Variants in CPT1A observed in about 807,000 individuals in gnomAD.
CPT1A encodes the protein carnitine palmitoyltransferase 1A, also known as carnitine O-palmitoyltransferase 1, liver isoform.
In CPT1A, 64 loss-of-function variants were observed where a neutral mutation model predicts 100.8. The ratio of observed to expected loss-of-function variants is 0.63; its 90% CI spans 0.52 to 0.78. CPT1A has a LOEUF of 0.78. CPT1A is among the 30% of genes least tolerant of loss of function. The pLI is 0.00. For missense variants in CPT1A, 802 were observed against 1,034.1 expected (o/e 0.78, Z 3.08); for synonymous variants, 363 against 396.0 (o/e 0.92, Z 0.99).
At chr11:68,795,648 T>A (rs1286729653) in intron 7 of CPT1A, among the ~76,000 whole-genome samples, 1 of 152,158 alleles carries the variant, frequency 6.6e-6, no homozygotes, top group African/African-American at 2.4e-5. Context: ...CAGGTGCTCA[T>A]GTCTGTAATC....
chr11:68,822,716 T>C (rs1455534021), intron 1 of CPT1A, among the ~76,000 whole-genome samples: 3 of 152,124 alleles, frequency 2.0e-5, no homozygotes, highest in African/African-American at 7.2e-5. Flanking sequence ...ATAAATATAA[T>C]GTGGTCCATC....
rs570114898 is a variant in CPT1A at position 68,796,986 on chromosome 11, G to T, written c.694-53C>A. The T allele has an allele frequency of 1.2e-4, 185 of 1,584,474 alleles. 2 individuals are homozygous for T. The African/African-American group carries it at 1.8e-3, about 16-fold the overall frequency. ...CGCAGGCTCAGCAGGGGCCAGGCAG[G>T]CTCCCTGGCAGCAGCCCAGAGCCGC... On this transcript the variant is annotated intron_variant, in intron 6 of 18. Coordinates refer to ENST00000265641, the MANE Select transcript of CPT1A (RefSeq NM_001876.4).
chr11:68,821,248 G>A (rs1038863194), intron 1 of CPT1A, among the ~76,000 whole-genome samples: 3 of 152,230 alleles, frequency 2.0e-5, no homozygotes, highest in Admixed American at 1.3e-4. Context: ...TGCCTCCTGG[G>A]TTCAAGTGAT....
intron 1 of CPT1A, among the ~76,000 whole-genome samples, chr11:68,816,302 G>A (rs1856386422): frequency 1.3e-5 from 2 of 152,182 alleles, no homozygotes; most frequent in East Asian, 1.9e-4. Flanking sequence ...AGAGACCCAC[G>A]AAGACTCCAT....
intron 9 of CPT1A, chr11:68,786,006 G>A (rs1177621624): frequency 4.3e-6 from 3 of 702,208 alleles, no homozygotes; most frequent in Non-Finnish European, 7.8e-6. Flanking sequence ...CAGTGGGGAT[G>A]CACAGTGACA....
chr11:68,834,811 C>T (rs1856968135), intron 1 of CPT1A, among the ~76,000 whole-genome samples: 1 of 151,828 alleles, frequency 6.6e-6, no homozygotes, highest in African/African-American at 2.4e-5. Context: ...ACCAGCCTGG[C>T]CAACATGATG....
At chr11:68,838,572 T>TAAAAAAAAAACAAAAAA (rs1857072187) in intron 1 of CPT1A, among the ~76,000 whole-genome samples, 1 of 95,514 alleles carries the variant, frequency 1.0e-5, no homozygotes, top group African/African-American at 5.1e-5. Flanking sequence ...TGCACCTTTT[T>TAAAAAAAAAACAAAAAA]AAAAAAAAAA....
chr11:68,756,465 G>T lies in CPT1A; in HGVS notation c.*1179C>A, dbSNP rs114371223. ...ACTGTCACTTGAGACATCTTGGCTG[G>T]TCACCAAGGTGAGCCGGCATACTGT... On this transcript the variant is annotated 3_prime_UTR_variant, in exon 19 of 19. Coordinates refer to ENST00000265641, the MANE Select transcript of CPT1A (RefSeq NM_001876.4). 6.6e-6 allele frequency: 1 copy of T among 152,178 alleles called. No homozygotes were observed. Among genetic ancestry groups the T allele is most frequent in the Non-Finnish European group, 1.5e-5 (1 of 68,048 alleles). 9.4% of individuals were successfully genotyped at this position (152,178 alleles called of 1,614,324 possible). A position where few individuals can be genotyped will look rare whatever the true frequency, so the allele number is the denominator to read the frequency against.
Position 68,762,709 on chromosome 11 carries a change from C to T in CPT1A, c.1793G>A (p.Arg598Gln), listed in dbSNP as rs878856345. The change falls in exon 15 of 19, where the codon CGA (arginine) becomes CAA (glutamine). Residue 598 changes from arginine to glutamine, a missense_variant. Around this residue, in one of 4 missense-constraint regions of CPT1A, gnomAD observed 627 missense variants for 799.3 expected, o/e 0.78. Coordinates refer to ENST00000265641, the MANE Select transcript of CPT1A (RefSeq NM_001876.4). Reference sequence around the variant, plus strand: ...GCGCACGGTCTCCGTCCTCCCCTCTCGGAAGAGCCGGGTCATGGAGGCCTC... The same window carrying T: ...GCGCACGGTCTCCGTCCTCCCCTCTTGGAAGAGCCGGGTCATGGAGGCCTC... ...TYEASMTRLF[R>Q]EGRTETVRSC... is the part of the protein sequence containing the mutation. 10 of 1,614,032 alleles carry T rather than the reference C, an allele frequency of 6.2e-6. No individual in the cohort carries two copies. Among genetic ancestry groups the T allele is most frequent in the Middle Eastern group, 1.6e-4 (1 of 6,062 alleles).
intron 1 of CPT1A, among the ~76,000 whole-genome samples, chr11:68,838,222 C>T (rs3019594): frequency 0.81 from 122,879 of 151,786 alleles, 51,275 homozygotes; most frequent in Non-Finnish European, 0.92. Flanking sequence ...ATTTCTTTCA[C>T]TGTTAACTTC....
In CPT1A at chr11:68,760,347, T is replaced by G. The variant is rs1297784012; in HGVS notation, c.2029-9A>C. 1 of 1,600,680 alleles carries G rather than the reference T, an allele frequency of 6.2e-7. No homozygotes were observed. Among genetic ancestry groups the G allele is most frequent in the South Asian group, 1.1e-5 (1 of 89,406 alleles). ...CAAGGCTCAGATAAAACCTATTGAG[T>G]GAAACAGGGAAATGTTTCCTAATCC... On this transcript the variant is annotated splice_polypyrimidine_tract_variant and intron_variant, in intron 16 of 18. Coordinates refer to ENST00000265641, the MANE Select transcript of CPT1A (RefSeq NM_001876.4).
At position 68,812,394 on chromosome 11, in the gene CPT1A, C is replaced by T. The variant is rs200544201; in HGVS notation, c.281+43G>A. ...AGAGACATAAAAACAGCAATAAAAT[C>T]GGTAACTTCCCAGACAATTGGAGAT... is the stretch of plus-strand genomic sequence containing the variant. On this transcript the variant is annotated intron_variant, in intron 3 of 18. Coordinates refer to ENST00000265641, the MANE Select transcript of CPT1A (RefSeq NM_001876.4). The T allele has an allele frequency of 6.2e-6, 10 of 1,612,028 alleles. No individual in the cohort carries two copies. In the Admixed American group the frequency reaches 6.7e-5, roughly 11 times the overall value.
intron 14 of CPT1A, among the ~76,000 whole-genome samples, chr11:68,769,221 TGCA>T (rs1166711938): frequency 6.6e-6 from 1 of 152,128 alleles, no homozygotes; most frequent in Non-Finnish European, 1.5e-5. Flanking sequence ...GTACGAGGAC[TGCA>T]GCATTTTATT....
intron 1 of CPT1A, among the ~76,000 whole-genome samples, chr11:68,828,413 T>G (rs1856792999): frequency 6.8e-6 from 1 of 147,614 alleles, no homozygotes; most frequent in Non-Finnish European, 1.5e-5. Context: ...GCCCCCCACC[T>G]CCCACCTGCG....
intron 2 of CPT1A, among the ~76,000 whole-genome samples, chr11:68,813,665 C>A (rs1856287955): frequency 6.6e-6 from 1 of 150,534 alleles, no homozygotes; most frequent in African/African-American, 2.4e-5. Context: ...CCACTGCACT[C>A]CACCCTGAGC....
chr11:68,809,995 C>T lies in CPT1A; in HGVS notation c.282-2357G>A, dbSNP rs563446513. Among the ~76,000 whole-genome samples the T allele has an allele frequency of 2.6e-5, 4 of 152,194 alleles. No individual in the cohort carries two copies. The East Asian group carries it at 5.8e-4, about 22-fold the overall frequency. On this transcript the variant is annotated intron_variant, in intron 3 of 18. Coordinates refer to ENST00000265641, the MANE Select transcript of CPT1A (RefSeq NM_001876.4). ...GAGTTCAAGACCAGCCTGGCCAACA[C>T]GGCGAAACCCCATCTCTATCAAAAA...
At chr11:68,792,302 A>G (rs1195485011) in intron 9 of CPT1A, among the ~76,000 whole-genome samples, 1 of 152,014 alleles carries the variant, frequency 6.6e-6, no homozygotes, top group East Asian at 1.9e-4. Flanking sequence ...GCGCCACTGC[A>G]CTCCAGCCTG....
chr11:68,772,838 C>T (rs1489291850), intron 14 of CPT1A, among the ~76,000 whole-genome samples: 1 of 152,050 alleles, frequency 6.6e-6, no homozygotes, highest in Admixed American at 6.6e-5. Flanking sequence ...ACAGATGAAA[C>T]GTGGACCATG....
At chr11:68,765,284 G>GTTA (rs1246587601) in intron 14 of CPT1A, among the ~76,000 whole-genome samples, 1 of 152,222 alleles carries the variant, frequency 6.6e-6, no homozygotes, top group Non-Finnish European at 1.5e-5. Context: ...AATTGTGTAA[G>GTTA]TTATGAGAAC....
Sources: gnomAD v4.1 joint callset for allele counts (sites outside exome capture counted in the v4.1 genomes callset) on GRCh38, gnomAD v4.1.1 for gene constraint, gnomAD v4.1.1 regional missense constraint, MANE v1.5 for transcripts, NCBI Gene and HGNC (gene_info 2026-07-23, HGNC 2026-07-21) for gene names.